PCDHGA3: variants seen among roughly 807,000 people sequenced by gnomAD.
PCDHGA3 encodes the protein protocadherin gamma subfamily A, 3.
In PCDHGA3, 40 loss-of-function variants were observed where a neutral mutation model predicts 58.5. The ratio of observed to expected loss-of-function variants is 0.68; its 90% CI spans 0.53 to 0.89. The LOEUF (loss-of-function observed/expected upper bound fraction) is 0.89, where lower values mean the gene tolerates loss of function less well. Among genes scored for constraint, PCDHGA3 ranks in the 40% least tolerant of loss-of-function variants. PCDHGA3 has a pLI of 0.00. For missense variants in PCDHGA3, 1,223 were observed against 1,195.9 expected, an observed-to-expected ratio of 1.02 and a Z score of -0.33; for synonymous variants, 530 against 525.7, an observed-to-expected ratio of 1.01 and a Z score of -0.11.
intron 1 of PCDHGA3, among the ~76,000 whole-genome samples, chr5:141,473,942 GC>G (rs1443545533): frequency 1.3e-5 from 2 of 152,124 alleles, no homozygotes; most frequent in African/African-American, 4.8e-5. Context: ...AGTAGCTCAG[GC>G]CTGTAGTCCC....
Position 141,476,264 on chromosome 5 carries a change from G to C in PCDHGA3, c.2425-18543G>C, listed in dbSNP as rs753184649. The C allele has an allele frequency of 6.2e-7, 1 of 1,614,082 alleles. No individual in the cohort carries two copies. Among genetic ancestry groups the C allele is most frequent in the Non-Finnish European group, 8.5e-7 (1 of 1,180,010 alleles). On this transcript the variant is annotated intron_variant, in intron 1 of 3. Transcript: ENST00000253812. This position sits in a 1 kb window ranked among gnomAD's most constrained non-coding sequence, Gnocchi z 7.6. ...AGAGAAGGGTTTCGCTGTGGGCAAC[G>C]TGGTCGCGAACCTTGGTTTGGATCT...
chr5:141,387,761 A>C lies in PCDHGA3; in HGVS notation c.2424+41304A>C, dbSNP rs539874780. The C allele has an allele frequency of 9.8e-5, 139 of 1,420,618 alleles. 1 individual carries two copies. The African/African-American group carries it at 1.7e-3, about 17-fold the overall frequency. The allele number at this position is 1,420,618 out of a possible 1,614,324, so 88.0% of individuals were successfully genotyped here. A position where few individuals can be genotyped will look rare whatever the true frequency, so the allele number is the denominator to read the frequency against. On this transcript the variant is annotated intron_variant, in intron 1 of 3. Transcript: ENST00000253812. ...ACACCGCTTCCTCCTCGGAAAAAGA[A>C]GAATTTTTTCTTGAACTGGAACTGC...
intron 1 of PCDHGA3, among the ~76,000 whole-genome samples, chr5:141,471,978 A>C (rs1246474598): frequency 1.3e-5 from 2 of 152,184 alleles, no homozygotes; most frequent in African/African-American, 4.8e-5. Flanking sequence ...TTACTGTATA[A>C]ATTTATTAAA....
At chr5:141,430,781 C>G in intron 1 of PCDHGA3, 8 of 1,510,922 alleles carry the variant, frequency 5.3e-6, no homozygotes, top group Non-Finnish European at 7.1e-6. Context: ...GCGACTGCAC[C>G]GGGACTACAA....
chr5:141,354,205 T>C (rs1162440808), intron 1 of PCDHGA3, among the ~76,000 whole-genome samples: 1 of 152,210 alleles, frequency 6.6e-6, no homozygotes, highest in Non-Finnish European at 1.5e-5. Flanking sequence ...CAGTCTAACT[T>C]TTCTTTTTAT....
At chr5:141,392,770 T>G in intron 1 of PCDHGA3, 1 of 1,511,750 alleles carries the variant, frequency 6.6e-7, no homozygotes, top group South Asian at 1.3e-5. Flanking sequence ...AAGACCCATT[T>G]ATGCACAGTG....
chr5:141,378,930 G>T (rs1588866145), intron 1 of PCDHGA3: 1 of 152,190 alleles, frequency 6.6e-6, no homozygotes, highest in East Asian at 1.9e-4. Flanking sequence ...GTAAGTTGAT[G>T]GCCCTGGAAT....
At chr5:141,502,866 C>CTTTTTTTT (rs549047197) in intron 2 of PCDHGA3, among the ~76,000 whole-genome samples, 38,988 of 127,080 alleles carry the variant, frequency 0.31, 7,978 homozygotes, top group African/African-American at 0.51. Flanking sequence ...GACTCTCTGT[C>CTTTTTTTT]TTTTTTTTTT....
intron 1 of PCDHGA3, chr5:141,366,197 A>G (rs1561536841): frequency 6.2e-7 from 1 of 1,613,780 alleles, no homozygotes. Context: ...TGGGCTGCAC[A>G]CGGGCGAGGT....
At position 141,487,276 on chromosome 5, in the gene PCDHGA3, C is replaced by G; in HGVS notation, c.2425-7531C>G. On this transcript the variant is annotated intron_variant, in intron 1 of 3. Coordinates refer to ENST00000253812, the MANE Select transcript of PCDHGA3 (RefSeq NM_018916.4). The surrounding 1 kb of genome is among the most constrained non-coding windows in gnomAD (Gnocchi z 5.0). ...TGGCTGTGTCCCTAGTGGCAATTTG[C>G]TTTGTCTCCTTTGGCTCATTCGTGG... 1 of 1,614,158 alleles carries G rather than the reference C, an allele frequency of 6.2e-7. No homozygotes were observed. The highest frequency in any genetic ancestry group is 1.1e-5 in the South Asian group (1 of 91,082).
intron 1 of PCDHGA3, chr5:141,413,776 G>A: frequency 6.2e-7 from 1 of 1,613,188 alleles, no homozygotes; most frequent in Non-Finnish European, 8.5e-7. Context: ...GCTGGTACTG[G>A]AGCACTCCCT....
chr5:141,355,505 G>A, intron 1 of PCDHGA3: 1 of 1,614,044 alleles, frequency 6.2e-7, no homozygotes, highest in Non-Finnish European at 8.5e-7. Flanking sequence ...TCTCCAAACT[G>A]TGTGACAAAC....
chr5:141,491,254 G>A lies in PCDHGA3; in HGVS notation c.2425-3553G>A, dbSNP rs746242389. ...GCTGGTTCTGGAGGATGAGGACCCT[G>A]AGGAAATGCCCAAATCCAGTGACTT... is the stretch of plus-strand genomic sequence containing the variant. On this transcript the variant is annotated intron_variant, in intron 1 of 3. Coordinates refer to ENST00000253812, the MANE Select transcript of PCDHGA3 (RefSeq NM_018916.4). This position sits in a 1 kb window ranked among gnomAD's most constrained non-coding sequence, Gnocchi z 6.9. 24 of 1,614,198 alleles carry A rather than the reference G, an allele frequency of 1.5e-5. No individual in the cohort carries two copies. The highest frequency in any genetic ancestry group is 2.0e-5 in the Non-Finnish European group (24 of 1,180,018).
Position 141,430,658 on chromosome 5 carries a change from G to A in PCDHGA3, c.2425-64149G>A, listed in dbSNP as rs1350572230. ...CCTGGGAGTATGTGGAAACAACGGA[G>A]GAGCTCTGACTTCCCAACTGTCCCA... On this transcript the variant is annotated intron_variant, in intron 1 of 3. Coordinates refer to ENST00000253812, the MANE Select transcript of PCDHGA3 (RefSeq NM_018916.4). The A allele has an allele frequency of 7.2e-6, 8 of 1,105,688 alleles. No individual in the cohort carries two copies. The African/African-American group carries it at 9.5e-5, about 13-fold the overall frequency. The allele number at this position is 1,105,688 out of a possible 1,614,324, so 68.5% of individuals were successfully genotyped here. A position where few individuals can be genotyped will look rare whatever the true frequency, so the allele number is the denominator to read the frequency against.
chr5:141,414,667 G>C, intron 1 of PCDHGA3: 1 of 1,614,002 alleles, frequency 6.2e-7, no homozygotes, highest in Non-Finnish European at 8.5e-7. Flanking sequence ...CCTGGCTGAA[G>C]ACACCATCCA....
chr5:141,383,074 C>T, intron 1 of PCDHGA3: 3 of 1,613,886 alleles, frequency 1.9e-6, no homozygotes, highest in Non-Finnish European at 2.5e-6. Context: ...GCCCCGGGAG[C>T]TGGCGGAGCG....
In PCDHGA3 at chr5:141,374,282, G is replaced by A. The variant is rs753347582; in HGVS notation, c.2424+27825G>A. 7 of 1,613,854 alleles carry A rather than the reference G, an allele frequency of 4.3e-6. No individual in the cohort carries two copies. In the East Asian group the frequency reaches 8.9e-5, roughly 21 times the overall value. On this transcript the variant is annotated intron_variant, in intron 1 of 3. Transcript: ENST00000253812. ...GTTGGCGGAGCACGGAGTCCGCATC[G>A]TCTCCAGAGGTAGGATGCAGCTTTT...
intron 1 of PCDHGA3, chr5:141,415,585 C>T: frequency 6.2e-7 from 1 of 1,613,900 alleles, no homozygotes; most frequent in Non-Finnish European, 8.5e-7. Context: ...TTCGAAGTTT[C>T]CTATAGAGGA....
At position 141,431,639 on chromosome 5, in the gene PCDHGA3, C is replaced by T; in HGVS notation, c.2425-63168C>T. 1 of 1,614,262 alleles carries T rather than the reference C, an allele frequency of 6.2e-7. No homozygotes were observed. The highest frequency in any genetic ancestry group is 8.5e-7 in the Non-Finnish European group (1 of 1,180,046). On this transcript the variant is annotated intron_variant, in intron 1 of 3. Transcript: ENST00000253812. This position sits in a 1 kb window ranked among gnomAD's most constrained non-coding sequence, Gnocchi z 4.8. Reference sequence around the variant, plus strand: ...CGACAAGGCGGCCCAAGTTTTCAAACTAGATTGTAATTCAGGGACAATATC... The same window carrying T: ...CGACAAGGCGGCCCAAGTTTTCAAATTAGATTGTAATTCAGGGACAATATC...
Sources: allele counts gnomAD v4.1 joint callset (sites outside exome capture counted in the v4.1 genomes callset), GRCh38; gene constraint gnomAD v4.1.1; non-coding constraint Gnocchi (gnomAD v3.1); transcripts MANE v1.5; gene names NCBI Gene and HGNC (gene_info 2026-07-23, HGNC 2026-07-21).